Variants in GRIA4 observed in about 807,000 individuals in gnomAD.
GRIA4 encodes glutamate ionotropic receptor AMPA type subunit 4.
In GRIA4, 34 loss-of-function variants were observed where a neutral mutation model predicts 104.0. The observed-to-expected ratio is 0.33, with a 90% CI of 0.25 to 0.44. The LOEUF (loss-of-function observed/expected upper bound fraction) is 0.44. Ranked by LOEUF, GRIA4 falls within the 20% of genes least tolerant of loss-of-function variation. The probability of loss-of-function intolerance (pLI) is 1.00; values close to 1 mark genes in which losing one functional copy is unlikely to be tolerated. For synonymous variants in GRIA4, 386 were observed against 381.9 expected (o/e 1.01, Z -0.13); for missense variants, 750 against 1,096.5 (o/e 0.68, Z 4.46).
rs768834957 is a variant in GRIA4 at position 105,905,318 on chromosome 11, CTGAAAAACAGAATTCTCTGTTTCTTAGTT to C, written c.1158+20_1158+48del. ...CCTAGAAAGGTGAGCCACGATCAAA[CTGAAAAACAGAATTCTCTGTTTCTTAGTT>C]TGTATGTAACATTTTAAAGGTGTAC... is the stretch of plus-strand genomic sequence containing the variant. On this transcript the variant is annotated intron_variant, in intron 9 of 16. Transcript: ENST00000282499. 106 of 1,310,110 alleles carry C rather than the reference CTGAAAAACAGAATTCTCTGTTTCTTAGTT, an allele frequency of 8.1e-5. No individual in the cohort carries two copies. The Admixed American group carries it at 8.5e-4, about 11-fold the overall frequency. The allele number at this position is 1,310,110 out of a possible 1,614,324, so 81.2% of individuals were successfully genotyped here.
intron 4 of GRIA4, among the ~76,000 whole-genome samples, chr11:105,848,954 A>C (rs1379314987): frequency 1.3e-5 from 2 of 152,120 alleles, no homozygotes; most frequent in African/African-American, 4.8e-5. Flanking sequence ...CTTCCTTGGG[A>C]GGCCAAGGCA....
At chr11:105,718,524 C>CAA (rs1954180295) in intron 3 of GRIA4, among the ~76,000 whole-genome samples, 1 of 152,172 alleles carries the variant, frequency 6.6e-6, no homozygotes, top group Non-Finnish European at 1.5e-5. Context: ...GAGAAGCATT[C>CAA]AAAGACCTTA....
chr11:105,862,075 A>G lies in GRIA4; in HGVS notation c.539A>G (p.His180Arg), dbSNP rs765808352. Residue 180 changes from histidine (H) to arginine (R), a missense_variant, in exon 5 of 17, where the codon CAT (histidine) becomes CGT (arginine). His to Arg is a conservative substitution (Grantham distance 29, BLOSUM62 0). Transcript: ENST00000282499. The part of the protein sequence containing the change: ...IMEKAGQNGW[H>R]VSAICVENFN... ...GAAAAAGCAGGACAAAATGGTTGGC[A>G]TGTCAGCGCTATATGTGTGGAAAAT... 3.7e-6 allele frequency: 6 copies of G among 1,611,760 alleles called. No individual in the cohort carries two copies. Among genetic ancestry groups the G allele is most frequent in the Non-Finnish European group, 5.1e-6 (6 of 1,177,972 alleles).
chr11:105,682,481 G>C (rs917581611), intron 3 of GRIA4, among the ~76,000 whole-genome samples: 1 of 152,160 alleles, frequency 6.6e-6, no homozygotes, highest in Non-Finnish European at 1.5e-5. Flanking sequence ...TCAAAAGTGT[G>C]ATCAAGTCAT....
chr11:105,719,705 AG>A (rs1393980511), intron 3 of GRIA4, among the ~76,000 whole-genome samples: 6 of 152,004 alleles, frequency 3.9e-5, no homozygotes, highest in African/African-American at 1.4e-4. Flanking sequence ...CATACTATAA[AG>A]GTGGAGGTCA....
intron 14 of GRIA4, among the ~76,000 whole-genome samples, chr11:105,967,722 A>G (rs780970942): frequency 4.0e-5 from 6 of 148,316 alleles, no homozygotes; most frequent in Non-Finnish European, 7.4e-5. Flanking sequence ...AAAAAAATCC[A>G]CGTAGGTTGT....
At chr11:105,794,522 C>CAT in intron 4 of GRIA4, among the ~76,000 whole-genome samples, 2 of 116,876 alleles carry the variant, frequency 1.7e-5, no homozygotes, top group South Asian at 5.6e-4. Flanking sequence ...TACATATACA[C>CAT]ACACACACAT....
intron 3 of GRIA4, among the ~76,000 whole-genome samples, chr11:105,708,813 G>A (rs1020441864): frequency 2.6e-5 from 4 of 151,912 alleles, no homozygotes; most frequent in African/African-American, 9.7e-5. Flanking sequence ...AAATAAGAAT[G>A]AGTTCATAGT....
chr11:105,727,485 A>G (rs1938288205), intron 3 of GRIA4, among the ~76,000 whole-genome samples: 1 of 152,180 alleles, frequency 6.6e-6, no homozygotes, highest in Non-Finnish European at 1.5e-5. Context: ...ATTCCCCAAC[A>G]TAGCAAGACA....
At chr11:105,623,774 T>A (rs767709961) in intron 3 of GRIA4, among the ~76,000 whole-genome samples, 1 of 152,084 alleles carries the variant, frequency 6.6e-6, no homozygotes, top group African/African-American at 2.4e-5. Flanking sequence ...ATCTTTTTTT[T>A]ATCACAATCT....
At chr11:105,803,873 G>C (rs1242995761) in intron 4 of GRIA4, among the ~76,000 whole-genome samples, 1 of 148,528 alleles carries the variant, frequency 6.7e-6, no homozygotes, top group African/African-American at 2.5e-5. Flanking sequence ...GAGAGAGAGA[G>C]AGAGAGAAGA....
At chr11:105,826,601 G>A (rs1358099492) in intron 4 of GRIA4, among the ~76,000 whole-genome samples, 1 of 152,014 alleles carries the variant, frequency 6.6e-6, no homozygotes, top group Non-Finnish European at 1.5e-5. Flanking sequence ...CCTTTAACAA[G>A]AATTGCATGC....
At position 105,862,170 on chromosome 11, in the gene GRIA4, G is replaced by C; in HGVS notation, c.634G>C (p.Asp212His). Reference protein sequence around the residue: ...DRRQEKKFVIDCEIERLQNIL... With the variant: ...DRRQEKKFVIHCEIERLQNIL... The stretch of plus-strand genomic sequence containing the variant: ...AAGACAAGAGAAGAAGTTTGTAATA[G>C]ACTGTGAGATAGAGAGACTTCAAAA... The change falls in exon 5 of 17, where the codon GAC (aspartate) becomes CAC (histidine). Residue 212 changes from aspartate to histidine, a missense_variant. This residue lies in a region of GRIA4 where 410 missense variants were observed against 502.7 expected (regional missense o/e 0.82). Transcript: ENST00000282499. 3.1e-6 allele frequency: 5 copies of C among 1,605,206 alleles called. No homozygotes were observed. The highest frequency in any genetic ancestry group is 2.2e-5 in the South Asian group (2 of 90,906).
chr11:105,936,494 G>A (rs777207223), intron 14 of GRIA4, among the ~76,000 whole-genome samples: 6 of 152,094 alleles, frequency 3.9e-5, no homozygotes, highest in Non-Finnish European at 7.4e-5. Flanking sequence ...CACAAACTCT[G>A]CTATTCAGAT....
intron 3 of GRIA4, among the ~76,000 whole-genome samples, chr11:105,696,845 A>C (rs1426373404): frequency 6.6e-6 from 1 of 151,792 alleles, no homozygotes; most frequent in Non-Finnish European, 1.5e-5. Flanking sequence ...ACTCACTGCA[A>C]CCTCTGCCTC....
chr11:105,949,550 G>A (rs1948411223), intron 14 of GRIA4, among the ~76,000 whole-genome samples: 1 of 152,088 alleles, frequency 6.6e-6, no homozygotes, highest in South Asian at 2.1e-4. Context: ...AAGGAAATAT[G>A]AGTACTCAGA....
intron 3 of GRIA4, among the ~76,000 whole-genome samples, chr11:105,615,739 A>G (rs1267377402): frequency 6.6e-6 from 1 of 151,820 alleles, no homozygotes; most frequent in Non-Finnish European, 1.5e-5. Flanking sequence ...GGATATGTCC[A>G]TCACAAAACA....
chr11:105,634,637 C>T (rs1951157059), intron 3 of GRIA4, among the ~76,000 whole-genome samples: 1 of 152,112 alleles, frequency 6.6e-6, no homozygotes, highest in Admixed American at 6.6e-5. Flanking sequence ...CCAAAGGACC[C>T]TCGACCAGAA....
chr11:105,630,107 G>A (rs2135306185), intron 3 of GRIA4, among the ~76,000 whole-genome samples: 1 of 152,162 alleles, frequency 6.6e-6, no homozygotes, highest in South Asian at 2.1e-4. Flanking sequence ...ATTGATTTAG[G>A]CTCCACTTTG....
Sources: allele counts gnomAD v4.1 joint callset (sites outside exome capture counted in the v4.1 genomes callset), GRCh38; gene constraint gnomAD v4.1.1; regional missense constraint gnomAD v4.1.1; transcripts MANE v1.5; gene names NCBI Gene and HGNC (gene_info 2026-07-23, HGNC 2026-07-21).